Variants in RPS6KC1 observed in about 807,000 individuals in gnomAD.
RPS6KC1 encodes ribosomal protein S6 kinase C1, also known as inactive ribosomal protein S6 kinase delta-1.
In RPS6KC1, 54 loss-of-function variants were observed where a neutral mutation model predicts 103.8. The ratio of observed to expected loss-of-function variants is 0.52; its 90% CI spans 0.42 to 0.65. The LOEUF is 0.65. Ranked by LOEUF, RPS6KC1 falls within the 30% of genes least tolerant of loss-of-function variation. The pLI, the probability that RPS6KC1 is intolerant of heterozygous loss-of-function variation, is 0.00. For synonymous variants in RPS6KC1, 439 were observed against 438.7 expected, an observed-to-expected ratio of 1.00 and a Z score of -0.01; for missense variants, 1,151 against 1,253.8, an observed-to-expected ratio of 0.92 and a Z score of 1.24.
the RPS6KC1 span, among the ~76,000 whole-genome samples, chr1:213,390,668 A>T: frequency 6.6e-6 from 1 of 152,158 alleles, no homozygotes; most frequent in African/African-American, 2.4e-5. Flanking sequence ...TATTTGGTGC[A>T]TCTACCCATC....
intron 14 of RPS6KC1, among the ~76,000 whole-genome samples, chr1:213,263,800 G>A (rs2094852928): frequency 6.6e-6 from 1 of 152,166 alleles, no homozygotes. Context: ...GATAAAGGCT[G>A]TCAAAGAGTT....
At chr1:213,224,907 C>T (rs751388251) in intron 8 of RPS6KC1, among the ~76,000 whole-genome samples, 3 of 152,116 alleles carry the variant, frequency 2.0e-5, no homozygotes, top group East Asian at 1.9e-4. Context: ...GAGGTTGAAG[C>T]GTGTAAATTT....
intron 6 of RPS6KC1, among the ~76,000 whole-genome samples, chr1:213,155,275 A>G (rs952614969): frequency 1.3e-5 from 2 of 152,088 alleles, no homozygotes; most frequent in Non-Finnish European, 2.9e-5. Context: ...TCAGTATGCC[A>G]TGTGTCCTCC....
At chr1:213,209,718 AAAAG>A (rs2093451245) in intron 8 of RPS6KC1, among the ~76,000 whole-genome samples, 1 of 151,110 alleles carries the variant, frequency 6.6e-6, no homozygotes, top group Non-Finnish European at 1.5e-5. Flanking sequence ...AAAAAAAAAA[AAAAG>A]GAATAGAAGA....
chr1:213,296,837 G>C, the RPS6KC1 span, among the ~76,000 whole-genome samples: 1 of 152,204 alleles, frequency 6.6e-6, no homozygotes. Context: ...GTGAGGGTCA[G>C]AGTGAACATT....
At chr1:213,259,692 A>G (rs916805969) in intron 12 of RPS6KC1, among the ~76,000 whole-genome samples, 1 of 150,904 alleles carries the variant, frequency 6.6e-6, no homozygotes, top group Admixed American at 6.6e-5. Flanking sequence ...ATGTTTATAT[A>G]TACAAACATT....
the RPS6KC1 span, among the ~76,000 whole-genome samples, chr1:213,807,437 C>T: frequency 6.6e-6 from 1 of 152,194 alleles, no homozygotes; most frequent in Non-Finnish European, 1.5e-5. Context: ...TAGATTTGGT[C>T]TTTTCATATA....
the RPS6KC1 span, among the ~76,000 whole-genome samples, chr1:213,576,404 T>C: frequency 9.9e-5 from 15 of 151,778 alleles, no homozygotes; most frequent in Non-Finnish European, 1.8e-4. Flanking sequence ...TTGAAGGTTT[T>C]TCGCAACCCT....
chr1:213,854,562 T>TTCTTTCTTTCTTTCTTTCTC, the RPS6KC1 span, among the ~76,000 whole-genome samples: 6 of 122,614 alleles, frequency 4.9e-5, no homozygotes, highest in East Asian at 9.9e-4. Context: ...CTTTCTTTCT[T>TTCTTTCTTTCTTTCTTTCTC]TCTCTCTCTC....
rs1399698991 is a variant in RPS6KC1 at position 213,152,542 on chromosome 1, T to C, written c.836-15316T>C. ...CTCAGACGGGGCGGCCGGGTAGAGA[T>C]GCTCCTCACCTCCCAGACGGGGTTG... is the stretch of plus-strand genomic sequence containing the variant. On this transcript the variant is annotated intron_variant, in intron 6 of 14. Transcript: ENST00000366960. Among the ~76,000 whole-genome samples, 3 of 135,752 alleles carry C rather than the reference T, an allele frequency of 2.2e-5. No homozygotes were observed. The East Asian group carries it at 7.1e-4, about 32-fold the overall frequency. The allele number at this position is 135,752 out of a possible 152,430, so 89.1% of individuals were successfully genotyped here.
the RPS6KC1 span, among the ~76,000 whole-genome samples, chr1:213,803,884 A>T: frequency 7.2e-6 from 1 of 139,476 alleles, no homozygotes; most frequent in African/African-American, 2.7e-5. Flanking sequence ...AATCTATATC[A>T]TGGGGATCTA....
chr1:213,095,544 C>G (rs1483046369), intron 3 of RPS6KC1, among the ~76,000 whole-genome samples: 2 of 152,164 alleles, frequency 1.3e-5, no homozygotes, highest in Non-Finnish European at 2.9e-5. Flanking sequence ...AATTCCCTCC[C>G]CTCCACAGCT....
At chr1:213,536,353 G>A in the RPS6KC1 span, among the ~76,000 whole-genome samples, 1 of 152,274 alleles carries the variant, frequency 6.6e-6, no homozygotes, top group African/African-American at 2.4e-5. Context: ...GACTGACAGT[G>A]GAGGAAAAGA....
chr1:213,522,243 T>A, the RPS6KC1 span, among the ~76,000 whole-genome samples: 1 of 152,230 alleles, frequency 6.6e-6, no homozygotes, highest in African/African-American at 2.4e-5. Context: ...CAATAATATT[T>A]TGAAAAGACT....
intron 6 of RPS6KC1, among the ~76,000 whole-genome samples, chr1:213,159,675 G>T (rs530825657): frequency 6.6e-6 from 1 of 152,156 alleles, no homozygotes; most frequent in African/African-American, 2.4e-5. Flanking sequence ...GTGGTTTCTC[G>T]TCTAAATATT....
chr1:213,809,178 G>A, the RPS6KC1 span, among the ~76,000 whole-genome samples: 1 of 152,080 alleles, frequency 6.6e-6, no homozygotes, highest in African/African-American at 2.4e-5. Context: ...GTTATTTATT[G>A]GCCTAGTTTC....
chr1:213,341,696 A>G, the RPS6KC1 span, among the ~76,000 whole-genome samples: 1 of 152,204 alleles, frequency 6.6e-6, no homozygotes, highest in Non-Finnish European at 1.5e-5. Flanking sequence ...CTTCATGACA[A>G]TCCTGCAAGG....
chr1:213,085,460 T>C (rs1157145501), intron 3 of RPS6KC1, among the ~76,000 whole-genome samples: 8 of 152,206 alleles, frequency 5.3e-5, no homozygotes, highest in African/African-American at 1.9e-4. Flanking sequence ...ACAATGTATA[T>C]TCATTTTTTT....
chr1:213,228,039 C>T (rs1375202040), intron 8 of RPS6KC1, among the ~76,000 whole-genome samples: 1 of 152,100 alleles, frequency 6.6e-6, no homozygotes, highest in Admixed American at 6.5e-5. Flanking sequence ...TTACAGCATG[C>T]CCATAAAGAG....
Sources: gnomAD v4.1 joint callset for allele counts (sites outside exome capture counted in the v4.1 genomes callset) on GRCh38, gnomAD v4.1.1 for gene constraint, MANE v1.5 for transcripts, NCBI Gene and HGNC (gene_info 2026-07-23, HGNC 2026-07-21) for gene names.